KIF26A: variants seen among roughly 807,000 people sequenced by gnomAD.
The protein encoded by KIF26A is kinesin family member 26A, also known as kinesin-like protein KIF26A.
Under a neutral mutation model 126.0 loss-of-function variants are expected in KIF26A, and 74 were observed. That is an observed-to-expected ratio of 0.59 (90% CI 0.49 to 0.71). KIF26A has a LOEUF of 0.71. Ranked by LOEUF, KIF26A falls within the 30% of genes least tolerant of loss-of-function variation. The pLI is 0.00. For synonymous variants in KIF26A, 1,445 were observed against 1,232.7 expected (o/e 1.17, Z -3.61); for missense variants, 2,984 against 2,763.3 (o/e 1.08, Z -1.79).
In KIF26A at chr14:104,174,341, G is replaced by A. The variant is rs774019128; in HGVS notation, c.2193+31G>A. ...CCCCACCTCCTGCCCGCCCCATCTC[G>A]GGGCCGTCTCGGCTCCTGTGTCCAC... On this transcript the variant is annotated intron_variant, in intron 11 of 14. Transcript: ENST00000423312. 399 of 1,493,088 alleles carry A rather than the reference G, an allele frequency of 2.7e-4. 1 individual carries two copies. The highest frequency in any genetic ancestry group is 3.4e-4 in the Non-Finnish European group (382 of 1,114,744). 92.5% of individuals were successfully genotyped at this position (1,493,088 alleles called of 1,614,324 possible).
In KIF26A at chr14:104,177,482, G is replaced by A; in HGVS notation, c.4694G>A (p.Ser1565Asn). 1 of 1,533,306 alleles carries A rather than the reference G, an allele frequency of 6.5e-7. No homozygotes were observed. The highest frequency in any genetic ancestry group is 8.7e-7 in the Non-Finnish European group (1 of 1,145,466). 95.0% of individuals were successfully genotyped at this position (1,533,306 alleles called of 1,614,324 possible). The change falls in exon 12 of 15, where the codon AGC becomes AAC. Residue 1565 changes from serine to asparagine, a missense_variant. By Grantham distance (46) the Ser-to-Asn change is conservative (BLOSUM62 1). Coordinates refer to ENST00000423312, the MANE Select transcript of KIF26A (RefSeq NM_015656.2). ...GTKQALRAAH[S>N]RVHELSASGA... ...AAGCAGGCGCTCCGGGCTGCTCACAGCCGCGTCCATGAGCTGTCAGCCAGT... is the reference window on the plus strand; with the variant it reads ...AAGCAGGCGCTCCGGGCTGCTCACAACCGCGTCCATGAGCTGTCAGCCAGT...
chr14:104,176,713 G>A lies in KIF26A; in HGVS notation c.3925G>A (p.Gly1309Ser), dbSNP rs1447846180. ...GGCTCGGATCCCACCGCTGCGGAGG[G>A]GTGCCACCACGCTGGGTGTGACAAC... ...AVARIPPLRR[G>S]ATTLGVTTPA... Residue 1309 changes from glycine to serine, a missense_variant, in exon 12 of 15, where the codon GGT becomes AGT. Gly to Ser is a moderately conservative substitution (Grantham distance 56, BLOSUM62 0). Coordinates refer to ENST00000423312, the MANE Select transcript of KIF26A (RefSeq NM_015656.2). The A allele has an allele frequency of 1.9e-6, 3 of 1,587,268 alleles. No individual in the cohort carries two copies. The highest frequency in any genetic ancestry group is 2.6e-6 in the Non-Finnish European group (3 of 1,167,520).
At position 104,151,511 on chromosome 14, in the gene KIF26A, A is replaced by G. The variant is rs1321446139; in HGVS notation, c.289-504A>G. ...GGCCTTCGCTTCTGTTGACACCTTTACAGCAGCACTGATTTGATTTTCCAC... is the reference window on the plus strand; with the variant it reads ...GGCCTTCGCTTCTGTTGACACCTTTGCAGCAGCACTGATTTGATTTTCCAC... On this transcript the variant is annotated intron_variant, in intron 2 of 14. Coordinates refer to ENST00000423312, the MANE Select transcript of KIF26A (RefSeq NM_015656.2). The surrounding 1 kb of genome is among the most constrained non-coding windows in gnomAD (Gnocchi z 4.9). 6.6e-6 allele frequency among the ~76,000 whole-genome samples: 1 copy of G among 152,094 alleles called. No individual in the cohort carries two copies. The highest frequency in any genetic ancestry group is 2.4e-5 in the African/African-American group (1 of 41,412).
chr14:104,138,887 C>A, intron 1 of KIF26A, 123 bp downstream of exon 1: 1 of 1,244,622 alleles, frequency 8.0e-7, no homozygotes, highest in South Asian at 2.9e-5. Flanking sequence ...GACCCGCAGG[C>A]GGGACCTCCG....
chr14:104,138,673 A>G lies in KIF26A; in HGVS notation c.-50A>G. 3 of 1,246,602 alleles carry G rather than the reference A, an allele frequency of 2.4e-6. No homozygotes were observed. Among genetic ancestry groups the G allele is most frequent in the South Asian group, 2.6e-5 (1 of 38,810 alleles). 77.2% of individuals were successfully genotyped at this position (1,246,602 alleles called of 1,614,324 possible). A position where few individuals can be genotyped will look rare whatever the true frequency, so the allele number is the denominator to read the frequency against. On this transcript the variant is annotated 5_prime_UTR_variant, in exon 1 of 15. Coordinates refer to ENST00000423312, the MANE Select transcript of KIF26A (RefSeq NM_015656.2). ...GATCACGTAGCCGCGGCGCCCCCGG[A>G]GAGCCAGCGTGGCCGGGAGCGCCTG...
intron 13 of KIF26A, 39 bp downstream of exon 13, chr14:104,178,794 G>A (rs748342295): frequency 4.1e-6 from 5 of 1,211,126 alleles, no homozygotes; most frequent in Non-Finnish European, 5.7e-6. Flanking sequence ...GACCCCTGGT[G>A]GGGAGCCTGC....
chr14:104,157,898 G>C lies in KIF26A; in HGVS notation c.879G>C (p.Val293=), dbSNP rs772003696. 3.6e-5 allele frequency: 56 copies of C among 1,564,922 alleles called. No homozygotes were observed. The highest frequency in any genetic ancestry group is 5.4e-5 in the Admixed American group (3 of 55,054). ...TGGTCACCCCCACCCCGGGCTCGGT[G>C]GGGGGCTCCACAGGCCCCTCAGCTG... is the stretch of plus-strand genomic sequence containing the variant. ...SALVTPTPGS[V]GGSTGPSAAA... is the part of the protein sequence containing the mutation. Residue 293 remains valine, a synonymous_variant, in exon 4 of 15, where the codon GTG becomes GTC. Coordinates refer to ENST00000423312, the MANE Select transcript of KIF26A (RefSeq NM_015656.2).
chr14:104,155,746 AGT>A (rs1446157081), intron 3 of KIF26A, among the ~76,000 whole-genome samples: 1 of 152,192 alleles, frequency 6.6e-6, no homozygotes, highest in Non-Finnish European at 1.5e-5. Flanking sequence ...GAGACAGGTC[AGT>A]GTGGGGAGGC....
chr14:104,154,787 C>A lies in KIF26A; in HGVS notation c.735+2326C>A, dbSNP rs112445049. The stretch of plus-strand genomic sequence containing the variant: ...CAGTGGGTTGCAAGTGGCACCGTGG[C>A]CCTCCACAGAGGGGCGGCCCGGTGG... On this transcript the variant is annotated intron_variant, in intron 3 of 14. Coordinates refer to ENST00000423312, the MANE Select transcript of KIF26A (RefSeq NM_015656.2). Among the ~76,000 whole-genome samples, 246 of 152,338 alleles carry A rather than the reference C, an allele frequency of 1.6e-3. 3 individuals carry two copies. Among genetic ancestry groups the A allele is most frequent in the African/African-American group, 5.8e-3 (240 of 41,576 alleles).
intron 10 of KIF26A, 88 bp downstream of exon 10, chr14:104,173,956 G>GC: frequency 6.8e-7 from 1 of 1,468,654 alleles, no homozygotes; most frequent in South Asian, 1.4e-5. Flanking sequence ...TGCTGCTGTG[G>GC]CCCCCAGCTC....
chr14:104,171,149 G>C (rs2037952979), intron 5 of KIF26A, among the ~76,000 whole-genome samples: 1 of 152,248 alleles, frequency 6.6e-6, no homozygotes, highest in Non-Finnish European at 1.5e-5. Flanking sequence ...GCTTCCCCCT[G>C]CTTTCTGCTG....
At position 104,175,420 on chromosome 14, in the gene KIF26A, C is replaced by G. The variant is rs1159142158; in HGVS notation, c.2632C>G (p.Pro878Ala). 1.3e-6 allele frequency: 2 copies of G among 1,593,112 alleles called. No individual in the cohort carries two copies. The highest frequency in any genetic ancestry group is 2.2e-5 in the South Asian group (2 of 89,450). Residue 878 changes from proline to alanine, a missense_variant, in exon 12 of 15, where the codon CCC becomes GCC. Transcript: ENST00000423312. ...CAGCCCCGCCCGAGGGGGCCGGAAG[C>G]CCTCGCCACCAGAGGCTGCATCCCC... ...QASPARGGRK[P>A]SPPEAASPRK...
intron 2 of KIF26A, among the ~76,000 whole-genome samples, chr14:104,139,622 G>T (rs1035141850): frequency 6.6e-6 from 1 of 152,184 alleles, no homozygotes; most frequent in Non-Finnish European, 1.5e-5. Context: ...ACCCAGGGCG[G>T]GACAGCTCCA....
chr14:104,173,789 G>T lies in KIF26A; in HGVS notation c.1951G>T (p.Gly651Cys). The change falls in exon 10 of 15, where the codon GGT (glycine) becomes TGT (cysteine). Residue 651 changes from glycine (G) to cysteine (C), a missense_variant. By Grantham distance (159) the Gly-to-Cys change is radical. Coordinates refer to ENST00000423312, the MANE Select transcript of KIF26A (RefSeq NM_015656.2). ...TGGCAGGGCCGGGGAGGCTGCTGGG[G>T]GTCCCCTGTGTCTGTCCCTGTCGGC... is the stretch of plus-strand genomic sequence containing the variant. ...AAGRAGEAAG[G>C]PLCLSLSALG... 6.2e-7 allele frequency: 1 copy of T among 1,606,802 alleles called. No individual in the cohort carries two copies.
intron 2 of KIF26A, among the ~76,000 whole-genome samples, chr14:104,142,145 T>G (rs898255412): frequency 3.3e-5 from 5 of 152,090 alleles, no homozygotes; most frequent in African/African-American, 1.2e-4. Flanking sequence ...GTGGCATGGA[T>G]AAGACTGTGC....
In KIF26A at chr14:104,179,499, G is replaced by A. The variant is rs1286705255; in HGVS notation, c.5468-110G>A. ...TACCTCGTGGTGGGAAGGCTGGAAGGCAGGGTCGGCCGGGCCAAGATGCCT... is the reference window on the plus strand; with the variant it reads ...TACCTCGTGGTGGGAAGGCTGGAAGACAGGGTCGGCCGGGCCAAGATGCCT... On this transcript the variant is annotated intron_variant, in intron 14 of 14. Coordinates refer to ENST00000423312, the MANE Select transcript of KIF26A (RefSeq NM_015656.2). 8.4e-6 allele frequency: 12 copies of A among 1,425,674 alleles called. 1 individual carries two copies. In the East Asian group the frequency reaches 2.8e-4, roughly 33 times the overall value. The allele number at this position is 1,425,674 out of a possible 1,614,324, so 88.3% of individuals were successfully genotyped here.
chr14:104,169,429 C>T (rs1162107869), intron 5 of KIF26A, among the ~76,000 whole-genome samples: 2 of 152,302 alleles, frequency 1.3e-5, no homozygotes, highest in East Asian at 1.9e-4. Flanking sequence ...CAGCCTTGGC[C>T]GGGCTTCTCC....
At chr14:104,178,857 G>A in intron 13 of KIF26A, 102 bp downstream of exon 13, 2 of 695,184 alleles carry the variant, frequency 2.9e-6, no homozygotes, top group South Asian at 3.9e-5. Flanking sequence ...CTGGGGGTGT[G>A]GCTGGGCAGC....
intron 5 of KIF26A, among the ~76,000 whole-genome samples, chr14:104,167,504 G>A (rs919090934): frequency 1.4e-4 from 21 of 152,108 alleles, no homozygotes; most frequent in African/African-American, 3.4e-4. Flanking sequence ...TTCTGGCGCC[G>A]CGCTCCACAT....
Sources: allele counts gnomAD v4.1 joint callset (sites outside exome capture counted in the v4.1 genomes callset), GRCh38; gene constraint gnomAD v4.1.1; non-coding constraint Gnocchi (gnomAD v3.1); transcripts MANE v1.5; gene names NCBI Gene and HGNC (gene_info 2026-07-23, HGNC 2026-07-21).